Variants in CABLES2 observed in about 807,000 individuals in gnomAD.
CABLES2 encodes Cdk5 and Abl enzyme substrate 2.
A neutral mutation model predicts 44.8 loss-of-function variants in CABLES2; 35 were observed. The ratio of observed to expected loss-of-function variants is 0.78; its 90% CI spans 0.60 to 1.04. The LOEUF (loss-of-function observed/expected upper bound fraction) is 1.04. CABLES2 is among the 50% of genes least tolerant of loss of function. CABLES2 has a pLI of 0.00. For missense variants in CABLES2, 566 were observed against 615.7 expected, an observed-to-expected ratio of 0.92 and a Z score of 0.85; for synonymous variants, 282 against 281.1, an observed-to-expected ratio of 1.00 and a Z score of -0.03.
chr20:62,405,794 C>T (rs1287791003), intron 1 of CABLES2: 1 of 152,152 alleles, frequency 6.6e-6, no homozygotes, highest in Non-Finnish European at 1.5e-5. Flanking sequence ...TGGGAACAGC[C>T]GCCCAGCAGG....
chr20:62,398,058 A>ATGGTGGTGGTGGTGG lies in CABLES2; in HGVS notation c.363-1467_363-1466insCCACCACCACCACCA. On this transcript the variant is annotated intron_variant, in intron 1 of 9. Transcript: ENST00000279101. The stretch of plus-strand genomic sequence containing the variant: ...AGTGATGGTGATGGTGGTGATGGCG[A>ATGGTGGTGGTGGTGG]TGGTGGTGGTGACGGTGGTGGTGGT... Among the ~76,000 whole-genome samples, 2 of 77,280 alleles carry ATGGTGGTGGTGGTGG rather than the reference A, an allele frequency of 2.6e-5. 1 individual carries two copies. Among genetic ancestry groups the ATGGTGGTGGTGGTGG allele is most frequent in the Admixed American group, 2.6e-4 (2 of 7,674 alleles). 50.7% of individuals were successfully genotyped at this position (77,280 alleles called of 152,430 possible). A position where few individuals can be genotyped will look rare whatever the true frequency, so the allele number is the denominator to read the frequency against.
chr20:62,400,898 CCTTCT>C (rs1357612807), intron 1 of CABLES2, among the ~76,000 whole-genome samples: 13 of 152,338 alleles, frequency 8.5e-5, no homozygotes, highest in African/African-American at 2.6e-4. Context: ...TCTGTAATTT[CCTTCT>C]CTTTTCTTTT....
chr20:62,393,440 C>G lies in CABLES2; in HGVS notation c.880G>C (p.Gly294Arg). ...TKSAPASTEL[G>R]SDVGDTLEYN... The stretch of plus-strand genomic sequence containing the variant: ...GCCGTGGTTAAGGCACGTGGGCTAC[C>G]TAGTTCTGTGCTGGCTGGTGCCGAC... The change falls in exon 6 of 10, where the codon GGG becomes CGG. Residue 294 changes from glycine (G) to arginine (R), a missense_variant and splice_region_variant. This residue lies in a region of CABLES2 where 436 missense variants were observed against 536.3 expected (regional missense o/e 0.81). Transcript: ENST00000279101. 6.2e-7 allele frequency: 1 copy of G among 1,601,560 alleles called. No individual in the cohort carries two copies. Among genetic ancestry groups the G allele is most frequent in the Non-Finnish European group, 8.5e-7 (1 of 1,173,434 alleles).
intron 6 of CABLES2, among the ~76,000 whole-genome samples, 168 bp downstream of exon 6, chr20:62,393,272 T>C (rs6089220): frequency 0.16 from 24,029 of 152,326 alleles, 2,141 homozygotes; most frequent in Middle Eastern, 0.26. Flanking sequence ...AGCCCAGGGA[T>C]AGCGATTCAG....
chr20:62,392,845 C>G, intron 7 of CABLES2, 75 bp downstream of exon 7: 1 of 1,355,612 alleles, frequency 7.4e-7, no homozygotes, highest in Non-Finnish European at 1.1e-6. Context: ...GCTTTGCCCA[C>G]AGCCTGCCCC....
chr20:62,399,593 CTTTTTTTTTT>C (rs71195455), intron 1 of CABLES2, among the ~76,000 whole-genome samples: 1 of 107,638 alleles, frequency 9.3e-6, no homozygotes, highest in African/African-American at 3.7e-5. Context: ...GGGTCAGGTC[CTTTTTTTTTT>C]TTTTTTTTGA....
rs1036245082 is a variant in CABLES2 at position 62,389,787 on chromosome 20, G to A, written c.*1184C>T. 6.6e-6 allele frequency: 1 copy of A among 152,292 alleles called. No homozygotes were observed. Among genetic ancestry groups the A allele is most frequent in the African/African-American group, 2.4e-5 (1 of 41,460 alleles). 9.4% of individuals were successfully genotyped at this position (152,292 alleles called of 1,614,324 possible). A position where few individuals can be genotyped will look rare whatever the true frequency, so the allele number is the denominator to read the frequency against. ...CTGGACCATGCAGAATTTGTTGCAAGAACTTCAGACAGACGTGGAAAAACT... is the reference window on the plus strand; with the variant it reads ...CTGGACCATGCAGAATTTGTTGCAAAAACTTCAGACAGACGTGGAAAAACT... On this transcript the variant is annotated 3_prime_UTR_variant, in exon 10 of 10. Transcript: ENST00000279101.
Position 62,407,037 on chromosome 20 carries a change from T to C in CABLES2, c.240A>G (p.Glu80=). Residue 80 remains glutamate (E), a synonymous_variant, in exon 1 of 10, where the codon GAA becomes GAG. Transcript: ENST00000279101. ...KPPPPPAEAR[E]PPAPPPPEPP... ...GCTCCGGCGGCGGCGGCGCTGGCGG[T>C]TCGCGGGCCTCGGCGGGCGGCGGCG... 2.7e-6 allele frequency: 3 copies of C among 1,131,980 alleles called. No individual in the cohort carries two copies. Among genetic ancestry groups the C allele is most frequent in the Non-Finnish European group, 3.2e-6 (3 of 924,368 alleles). The allele number at this position is 1,131,980 out of a possible 1,614,324, so 70.1% of individuals were successfully genotyped here.
intron 1 of CABLES2, among the ~76,000 whole-genome samples, chr20:62,399,492 C>T (rs1175143761): frequency 6.8e-6 from 1 of 147,302 alleles, no homozygotes; most frequent in Non-Finnish European, 1.5e-5. Flanking sequence ...CGTGATCCAC[C>T]TGCCTCGGCC....
At chr20:62,394,793 T>A in intron 4 of CABLES2, 144 bp downstream of exon 4, 1 of 680,310 alleles carries the variant, frequency 1.5e-6, no homozygotes, top group Non-Finnish European at 2.5e-6. Context: ...TTGCTGGAGG[T>A]TGACATGCTG....
rs754278394 is a variant in CABLES2, at chr20:62,396,535, G to A, written c.420C>T (p.Cys140=). The part of the protein sequence containing the change: ...SLEFLEDAVG[C]APAQRTKHTS... The stretch of plus-strand genomic sequence containing the variant: ...GGGGCGTGTACCTCTGTGCTGGAGC[G>A]CATCCCACGGCATCTTCCAGAAACT... Residue 140 remains cysteine (C), a synonymous_variant, in exon 2 of 10, where the codon TGC becomes TGT. Transcript: ENST00000279101. This position sits in a 1 kb window ranked among gnomAD's most constrained non-coding sequence, Gnocchi z 5.7. The A allele has an allele frequency of 1.1e-5, 18 of 1,613,552 alleles. No homozygotes were observed. Among genetic ancestry groups the A allele is most frequent in the Admixed American group, 8.3e-5 (5 of 59,980 alleles).
chr20:62,393,537 G>C lies in CABLES2; in HGVS notation c.783C>G (p.Gly261=). Residue 261 remains glycine, a synonymous_variant, in exon 6 of 10, where the codon GGC becomes GGG. Coordinates refer to ENST00000279101, the MANE Select transcript of CABLES2 (RefSeq NM_031215.3). ...ALVTHKSDSH[G]LLPTPRPSVP... ...CACTGGGCCGAGGTGTGGGCAGCAGGCCATGGCTGTCACTCTTGTGTGTGA... is the reference window on the plus strand; with the variant it reads ...CACTGGGCCGAGGTGTGGGCAGCAGCCCATGGCTGTCACTCTTGTGTGTGA... 2 of 1,613,214 alleles carry C rather than the reference G, an allele frequency of 1.2e-6. No homozygotes were observed. Among genetic ancestry groups the C allele is most frequent in the South Asian group, 1.1e-5 (1 of 90,940 alleles).
At position 62,396,087 on chromosome 20, in the gene CABLES2, G is replaced by A. The variant is rs1415235671; in HGVS notation, c.527+228C>T. On this transcript the variant is annotated intron_variant, in intron 3 of 9. Coordinates refer to ENST00000279101, the MANE Select transcript of CABLES2 (RefSeq NM_031215.3). The surrounding 1 kb of genome is among the most constrained non-coding windows in gnomAD (Gnocchi z 5.7). ...GTGTCCACGTGTGACCCTTCACCTG[G>A]GAGCCCAGAGAGGGTGATCTCGCTG... is the stretch of plus-strand genomic sequence containing the variant. 6.6e-6 allele frequency among the ~76,000 whole-genome samples: 1 copy of A among 152,194 alleles called. No individual in the cohort carries two copies. The highest frequency in any genetic ancestry group is 1.5e-5 in the Non-Finnish European group (1 of 68,046).
chr20:62,401,403 G>A lies in CABLES2; in HGVS notation c.363-4811C>T, dbSNP rs558788884. 2.6e-5 allele frequency among the ~76,000 whole-genome samples: 4 copies of A among 152,352 alleles called. No homozygotes were observed. The South Asian group carries it at 8.3e-4, about 32-fold the overall frequency. On this transcript the variant is annotated intron_variant, in intron 1 of 9. Transcript: ENST00000279101. ...ACTCCACGCATCACCGCAGCAGGGCGCTGCTGCTGACGGGACGGGCACTGG... is the reference window on the plus strand; with the variant it reads ...ACTCCACGCATCACCGCAGCAGGGCACTGCTGCTGACGGGACGGGCACTGG...
At chr20:62,397,034 G>T (rs112582929) in intron 1 of CABLES2, among the ~76,000 whole-genome samples, 12 of 152,262 alleles carry the variant, frequency 7.9e-5, no homozygotes, top group African/African-American at 2.4e-4. Flanking sequence ...ACCATGGCAT[G>T]GGCAGGCGGG....
rs750303048 is a variant in CABLES2, at chr20:62,391,058, G to A, written c.1350C>T (p.Phe450=). 1 of 1,614,160 alleles carries A rather than the reference G, an allele frequency of 6.2e-7. No individual in the cohort carries two copies. Among genetic ancestry groups the A allele is most frequent in the East Asian group, 2.2e-5 (1 of 44,886 alleles). The change falls in exon 10 of 10, where the codon TTC becomes TTT. Residue 450 remains phenylalanine (F), a synonymous_variant. Transcript: ENST00000279101. The surrounding 1 kb of genome is among the most constrained non-coding windows in gnomAD (Gnocchi z 5.7). The stretch of plus-strand genomic sequence containing the variant: ...CCAGCTCCAAGGCCACGAGCACTGT[G>A]AACTCAAACCCTATCAGGTCGCGCC... ...FNRRDLIGFE[F]TVLVALELAL... is the part of the protein sequence containing the mutation.
At position 62,395,001 on chromosome 20, in the gene CABLES2, A is replaced by G; in HGVS notation, c.541T>C (p.Cys181Arg). 1 of 1,612,892 alleles carries G rather than the reference A, an allele frequency of 6.2e-7. No individual in the cohort carries two copies. The highest frequency in any genetic ancestry group is 8.5e-7 in the Non-Finnish European group (1 of 1,179,884). The change falls in exon 4 of 10, where the codon TGT becomes CGT. Residue 181 changes from cysteine (C) to arginine (R), a missense_variant. Around this residue, in one of 2 missense-constraint regions of CABLES2, gnomAD observed 436 missense variants for 536.3 expected, o/e 0.81. Transcript: ENST00000279101. ...GCCGCGCACAGGGACCGCTTGGCAC[A>G]GATGAGCACGATCCTGCAGGGGGAC... ...DTRNSRIVLI[C>R]AKRSLCAAFS...
chr20:62,396,443 C>T lies in CABLES2; in HGVS notation c.435-36G>A, dbSNP rs913189210. ...AAGGACACAGGTCACTCTTTTCCTCCCAGGACCCTCTGGCCCCGCAGGGGT... is the reference window on the plus strand; with the variant it reads ...AAGGACACAGGTCACTCTTTTCCTCTCAGGACCCTCTGGCCCCGCAGGGGT... On this transcript the variant is annotated intron_variant, in intron 2 of 9. Coordinates refer to ENST00000279101, the MANE Select transcript of CABLES2 (RefSeq NM_031215.3). This position sits in a 1 kb window ranked among gnomAD's most constrained non-coding sequence, Gnocchi z 5.7. 6.2e-7 allele frequency: 1 copy of T among 1,613,162 alleles called. No individual in the cohort carries two copies. The highest frequency in any genetic ancestry group is 1.1e-5 in the South Asian group (1 of 91,056).
At position 62,401,847 on chromosome 20, in the gene CABLES2, C is replaced by G. The variant is rs185491015; in HGVS notation, c.362+5068G>C. Among the ~76,000 whole-genome samples, 12 of 152,340 alleles carry G rather than the reference C, an allele frequency of 7.9e-5. No individual in the cohort carries two copies. The East Asian group carries it at 2.3e-3, about 29-fold the overall frequency. ...AGGCAAATGCACTGAGCTGCACGCA[C>G]CTTCCATGTGCTTCACTCATCCTGC... On this transcript the variant is annotated intron_variant, in intron 1 of 9. Coordinates refer to ENST00000279101, the MANE Select transcript of CABLES2 (RefSeq NM_031215.3).
Sources: allele counts gnomAD v4.1 joint callset (sites outside exome capture counted in the v4.1 genomes callset), GRCh38; gene constraint gnomAD v4.1.1; regional missense constraint gnomAD v4.1.1; non-coding constraint Gnocchi (gnomAD v3.1); transcripts MANE v1.5; gene names NCBI Gene and HGNC (gene_info 2026-07-23, HGNC 2026-07-21).